IL1RAPL2: variants seen among roughly 807,000 people sequenced by gnomAD.
IL1RAPL2 encodes the protein interleukin 1 receptor accessory protein like 2, also known as X-linked interleukin-1 receptor accessory protein-like 2.
IL1RAPL2 carries 3 observed loss-of-function variants against 44.1 expected under a neutral mutation model. That is an observed-to-expected ratio of 0.07 (90% CI 0.03 to 0.18). IL1RAPL2 has a LOEUF of 0.18. Among genes scored for constraint, IL1RAPL2 ranks in the 10% least tolerant of loss-of-function variants. IL1RAPL2 has a pLI of 1.00. For synonymous variants in IL1RAPL2, 181 were observed against 178.8 expected (o/e 1.01, Z -0.10); for missense variants, 391 against 496.4 (o/e 0.79, Z 2.02).
intron 6 of IL1RAPL2, among the ~76,000 whole-genome samples, chrX:105,555,227 A>T (rs2036888639): frequency 9.1e-6 from 1 of 110,229 alleles, no homozygotes; most frequent in African/African-American, 3.3e-5. Flanking sequence ...TGCATATCTC[A>T]GGTACCTCAG....
chrX:104,848,526 A>G (rs1174970188), intron 2 of IL1RAPL2, among the ~76,000 whole-genome samples: 1 of 104,401 alleles, frequency 9.6e-6, no homozygotes, highest in African/African-American at 3.4e-5. Context: ...AACAAACTTT[A>G]AATAACCTGA....
At chrX:105,561,396 C>T (rs138968582) in intron 6 of IL1RAPL2, among the ~76,000 whole-genome samples, 1,826 of 111,553 alleles carry the variant, frequency 0.016, 33 homozygotes, top group African/African-American at 0.056. Flanking sequence ...GTTGAACTGG[C>T]AGAAATCTTA....
intron 2 of IL1RAPL2, among the ~76,000 whole-genome samples, chrX:105,071,329 T>C (rs2147538247): frequency 9.0e-6 from 1 of 111,084 alleles, no homozygotes; most frequent in Admixed American, 9.6e-5. Flanking sequence ...AGAAGTAAAA[T>C]ATCTTTATAC....
chrX:105,270,441 A>G (rs1490122893), intron 5 of IL1RAPL2, among the ~76,000 whole-genome samples: 1 of 111,872 alleles, frequency 8.9e-6, no homozygotes. Context: ...GAAAGCAATC[A>G]TTTATTCACT....
intron 2 of IL1RAPL2, among the ~76,000 whole-genome samples, chrX:104,763,337 C>T (rs1932499087): frequency 8.9e-6 from 1 of 112,146 alleles, no homozygotes; most frequent in Admixed American, 9.4e-5. Flanking sequence ...AACCATTCAA[C>T]AAGTCTCTAG....
chrX:105,536,020 G>A, intron 6 of IL1RAPL2, among the ~76,000 whole-genome samples: 1 of 111,589 alleles, frequency 9.0e-6, no homozygotes, highest in Non-Finnish European at 1.9e-5. Flanking sequence ...AAAGATCAGT[G>A]TAGAATAGTA....
chrX:105,084,747 T>C (rs1286642775), intron 2 of IL1RAPL2, among the ~76,000 whole-genome samples: 1 of 111,447 alleles, frequency 9.0e-6, no homozygotes, highest in African/African-American at 3.3e-5. Context: ...GATTTTGAAA[T>C]ATAAAAAGTA....
In IL1RAPL2 at chrX:105,724,943, C is replaced by T. The variant is rs1602540865; in HGVS notation, c.902+7447C>T. Among the ~76,000 whole-genome samples the T allele has an allele frequency of 2.7e-5, 3 of 111,446 alleles. No individual in the cohort carries two copies. In the South Asian group the frequency reaches 1.1e-3, roughly 42 times the overall value. On this transcript the variant is annotated intron_variant, in intron 7 of 10. Transcript: ENST00000372582. ...CTAGGAAGGCCACCTCAGTCCTGTACCACTACAGAACTTCCTTCTAATCAA... is the reference window on the plus strand; with the variant it reads ...CTAGGAAGGCCACCTCAGTCCTGTATCACTACAGAACTTCCTTCTAATCAA...
At chrX:105,666,345 T>C (rs1280932568) in intron 6 of IL1RAPL2, among the ~76,000 whole-genome samples, 1 of 110,690 alleles carries the variant, frequency 9.0e-6, no homozygotes, top group African/African-American at 3.3e-5. Context: ...AACAATGCAC[T>C]GAATATACCA....
At chrX:105,499,269 C>T (rs2036376361) in intron 6 of IL1RAPL2, among the ~76,000 whole-genome samples, 1 of 110,621 alleles carries the variant, frequency 9.0e-6, no homozygotes, top group Admixed American at 9.7e-5. Flanking sequence ...AACATAAAAC[C>T]TGAAACTATA....
intron 1 of IL1RAPL2, among the ~76,000 whole-genome samples, chrX:104,615,472 T>C (rs1028818083): frequency 9.9e-6 from 1 of 101,255 alleles, no homozygotes; most frequent in African/African-American, 3.6e-5. Flanking sequence ...AGTGAGAACA[T>C]GAAGTGTTTA....
chrX:105,196,339 C>A (rs782379342), intron 3 of IL1RAPL2, among the ~76,000 whole-genome samples: 2 of 111,273 alleles, frequency 1.8e-5, no homozygotes, highest in South Asian at 7.8e-4. Context: ...CTCACTCCAC[C>A]CCTGCCGCAT....
intron 2 of IL1RAPL2, among the ~76,000 whole-genome samples, chrX:104,807,775 A>G (rs1186997693): frequency 9.0e-6 from 1 of 111,631 alleles, no homozygotes; most frequent in Non-Finnish European, 1.9e-5. Context: ...GATTTTTTCT[A>G]TGTTAATACA....
Position 104,845,504 on chromosome X carries a change from C to T in IL1RAPL2, c.82+186509C>T, listed in dbSNP as rs1466665601. On this transcript the variant is annotated intron_variant, in intron 2 of 10. Transcript: ENST00000372582. ...ATTTTTAAAGAAAAAATGAGGATTA[C>T]ATAAATATTTTGAGATAATTATCTT... is the stretch of plus-strand genomic sequence containing the variant. Among the ~76,000 whole-genome samples the T allele has an allele frequency of 7.1e-5, 8 of 112,034 alleles. No homozygotes were observed. In the East Asian group the frequency reaches 8.5e-4, roughly 12 times the overall value.
chrX:105,306,557 G>A (rs781427836), intron 5 of IL1RAPL2, among the ~76,000 whole-genome samples: 4 of 111,558 alleles, frequency 3.6e-5, no homozygotes, highest in African/African-American at 1.3e-4. Context: ...CCTTGATATT[G>A]AAATTTTTGG....
chrX:104,997,379 T>C (rs1312536558), intron 2 of IL1RAPL2, among the ~76,000 whole-genome samples: 2 of 111,733 alleles, frequency 1.8e-5, no homozygotes, highest in Non-Finnish European at 3.8e-5. Context: ...TTTAAAAGTG[T>C]GGGTATTAGA....
At chrX:105,542,739 A>T (rs5916926) in intron 6 of IL1RAPL2, among the ~76,000 whole-genome samples, 30,897 of 83,611 alleles carry the variant, frequency 0.37, 4,658 homozygotes, top group Non-Finnish European at 0.47. Flanking sequence ...TTAATTTATT[A>T]TTTTTTTTTT....
chrX:105,492,139 G>T (rs987590303), intron 6 of IL1RAPL2, among the ~76,000 whole-genome samples: 36 of 111,477 alleles, frequency 3.2e-4, no homozygotes, highest in African/African-American at 1.1e-3. Context: ...GCACTAAAAT[G>T]GGTATTTGCA....
At chrX:104,713,581 C>T (rs1164454638) in intron 2 of IL1RAPL2, among the ~76,000 whole-genome samples, 2 of 110,491 alleles carry the variant, frequency 1.8e-5, no homozygotes, top group Non-Finnish European at 3.8e-5. Flanking sequence ...TCATGTATAA[C>T]ATCACATCTT....
Sources: gnomAD v4.1 joint callset for allele counts (sites outside exome capture counted in the v4.1 genomes callset) on GRCh38, gnomAD v4.1.1 for gene constraint, MANE v1.5 for transcripts, NCBI Gene and HGNC (gene_info 2026-07-23, HGNC 2026-07-21) for gene names.